Variants in TGFBRAP1 observed in about 807,000 individuals in gnomAD.
TGFBRAP1 encodes transforming growth factor beta receptor associated protein 1.
TGFBRAP1 carries 20 observed loss-of-function variants against 83.2 expected under a neutral mutation model. The ratio of observed to expected loss-of-function variants is 0.24; its 90% CI spans 0.17 to 0.35. TGFBRAP1 has a LOEUF of 0.35. Ranked by LOEUF, TGFBRAP1 falls within the 10% of genes least tolerant of loss-of-function variation. The pLI is 1.00. For missense variants in TGFBRAP1, 950 were observed against 1,099.4 expected (o/e 0.86, Z 1.92); for synonymous variants, 415 against 459.8 (o/e 0.90, Z 1.25).
intron 2 of TGFBRAP1, among the ~76,000 whole-genome samples, chr2:105,306,445 G>A (rs1236280970): frequency 6.6e-6 from 1 of 152,142 alleles, no homozygotes. Context: ...ATGAATGGGA[G>A]GGAAGAGCCC....
chr2:105,324,610 T>C (rs1272540839), intron 1 of TGFBRAP1, among the ~76,000 whole-genome samples: 1 of 152,214 alleles, frequency 6.6e-6, no homozygotes, highest in Non-Finnish European at 1.5e-5. Flanking sequence ...GTTAAAAGTT[T>C]TTTTTTCCTT....
chr2:105,281,523 C>G (rs1214322320), intron 5 of TGFBRAP1, among the ~76,000 whole-genome samples: 1 of 152,214 alleles, frequency 6.6e-6, no homozygotes, highest in Non-Finnish European at 1.5e-5. Flanking sequence ...CTCTGATCAG[C>G]TGTCCTCCTC....
intron 1 of TGFBRAP1, among the ~76,000 whole-genome samples, chr2:105,325,910 A>G (rs1036219012): frequency 5.3e-5 from 8 of 152,116 alleles, no homozygotes; most frequent in Admixed American, 2.6e-4. Flanking sequence ...CCCCTTTGAA[A>G]ATGAAGATAC....
At chr2:105,307,398 G>T (rs1209975628) in intron 2 of TGFBRAP1, among the ~76,000 whole-genome samples, 2 of 152,138 alleles carry the variant, frequency 1.3e-5, no homozygotes, top group African/African-American at 4.8e-5. Flanking sequence ...ACTTTAATGT[G>T]AAAGAAACTG....
intron 2 of TGFBRAP1, among the ~76,000 whole-genome samples, chr2:105,302,170 G>A (rs1678322048): frequency 6.6e-6 from 1 of 152,132 alleles, no homozygotes. Context: ...GTACTAGACT[G>A]GCAAAAACAC....
the TGFBRAP1 span, among the ~76,000 whole-genome samples, chr2:105,257,567 T>A: frequency 6.6e-6 from 1 of 152,208 alleles, no homozygotes; most frequent in Non-Finnish European, 1.5e-5. Flanking sequence ...TCAAGATTCA[T>A]CCATATTGTA....
chr2:105,254,567 G>A, the TGFBRAP1 span, among the ~76,000 whole-genome samples: 9 of 151,934 alleles, frequency 5.9e-5, no homozygotes, highest in African/African-American at 9.7e-5. Flanking sequence ...AGAATTGCTC[G>A]TGGCCACTTC....
chr2:105,254,518 A>C, the TGFBRAP1 span, among the ~76,000 whole-genome samples: 1 of 152,080 alleles, frequency 6.6e-6, no homozygotes, highest in Non-Finnish European at 1.5e-5. Context: ...ACAATTATTG[A>C]AAGTATTTTG....
At position 105,303,081 on chromosome 2, in the gene TGFBRAP1, G is replaced by A. The variant is rs114196219; in HGVS notation, c.689-4376C>T. Among the ~76,000 whole-genome samples the A allele has an allele frequency of 5.0e-3, 756 of 152,278 alleles. 9 individuals are homozygous for A. Among genetic ancestry groups the A allele is most frequent in the African/African-American group, 0.017 (720 of 41,548 alleles). On this transcript the variant is annotated intron_variant, in intron 2 of 11. Coordinates refer to ENST00000393359, the MANE Select transcript of TGFBRAP1 (RefSeq NM_004257.6). Reference sequence around the variant, plus strand: ...TTGGTGTGGTTGAAAGGAGATACAGGTACAATGATGGATTGGTTCTATCAA... The same window carrying A: ...TTGGTGTGGTTGAAAGGAGATACAGATACAATGATGGATTGGTTCTATCAA...
intron 5 of TGFBRAP1, among the ~76,000 whole-genome samples, chr2:105,283,109 C>A (rs1005033767): frequency 1.3e-5 from 2 of 152,290 alleles, no homozygotes; most frequent in South Asian, 2.1e-4. Context: ...AGGGCTAACA[C>A]AAGATACGGC....
intron 5 of TGFBRAP1, among the ~76,000 whole-genome samples, chr2:105,282,362 A>G (rs1360295328): frequency 6.6e-6 from 1 of 152,248 alleles, no homozygotes. Context: ...TTTTCTCTTA[A>G]GTTTCAACCA....
At chr2:105,261,384 T>C (rs894086272), downstream of TGFBRAP1, among the ~76,000 whole-genome samples, 4 of 152,120 alleles carry the variant, frequency 2.6e-5, no homozygotes, top group Admixed American at 2.0e-4. Context: ...GAAAAACTGA[T>C]ATTTCAAGCA....
intron 1 of TGFBRAP1, among the ~76,000 whole-genome samples, chr2:105,327,579 C>CA (rs994208741): frequency 2.0e-5 from 3 of 151,744 alleles, no homozygotes; most frequent in African/African-American, 4.8e-5. Context: ...AAAACAACAG[C>CA]AAAAAAACCA....
chr2:105,252,216 AAG>A, the TGFBRAP1 span, among the ~76,000 whole-genome samples: 4 of 152,254 alleles, frequency 2.6e-5, no homozygotes, highest in East Asian at 7.7e-4. Context: ...TGGTCTCATG[AAG>A]ACTTTAGATG....
intron 2 of TGFBRAP1, among the ~76,000 whole-genome samples, chr2:105,301,780 T>G (rs2104382754): frequency 6.6e-6 from 1 of 152,108 alleles, no homozygotes; most frequent in Non-Finnish European, 1.5e-5. Flanking sequence ...CAGGCTGGAG[T>G]GTAGTGCCTA....
intron 4 of TGFBRAP1, among the ~76,000 whole-genome samples, chr2:105,294,226 C>T (rs750469891): frequency 9.2e-5 from 14 of 152,072 alleles, no homozygotes; most frequent in Non-Finnish European, 1.2e-4. Context: ...TACTATCCGG[C>T]TCACTGGTTG....
At chr2:105,306,061 GTT>G (rs67017916) in intron 2 of TGFBRAP1, among the ~76,000 whole-genome samples, 9 of 74,912 alleles carry the variant, frequency 1.2e-4, no homozygotes, top group Admixed American at 2.8e-4. Flanking sequence ...TTTGTTTTTT[GTT>G]TTTTGTTTTT....
intron 11 of TGFBRAP1, among the ~76,000 whole-genome samples, chr2:105,268,039 T>A (rs1677003207): frequency 6.6e-6 from 1 of 152,262 alleles, no homozygotes. Context: ...GGAGACACCC[T>A]TCCGTTTCCT....
chr2:105,292,289 T>G (rs1677940894), intron 4 of TGFBRAP1, among the ~76,000 whole-genome samples: 1 of 151,998 alleles, frequency 6.6e-6, no homozygotes, highest in Non-Finnish European at 1.5e-5. Flanking sequence ...TAGGGAAGAA[T>G]GAGAGATTAT....
Sources: gnomAD v4.1 joint callset for allele counts (sites outside exome capture counted in the v4.1 genomes callset) on GRCh38, gnomAD v4.1.1 for gene constraint, MANE v1.5 for transcripts, NCBI Gene and HGNC (gene_info 2026-07-23, HGNC 2026-07-21) for gene names.